The following CD300A variants were observed in gnomAD, a reference collection of about 807,000 sequenced individuals.
The protein encoded by CD300A is CD300a molecule, also known as CMRF35-like molecule 8.
Under a neutral mutation model 33.6 loss-of-function variants are expected in CD300A, and 22 were observed. That is an observed-to-expected ratio of 0.66 (90% CI 0.47 to 0.94). The LOEUF is 0.94. Among genes scored for constraint, CD300A ranks in the 40% least tolerant of loss-of-function variants. The pLI is 0.00. For synonymous variants in CD300A, 136 were observed against 148.1 expected (o/e 0.92, Z 0.59); for missense variants, 326 against 360.5 (o/e 0.90, Z 0.77).
chr17:74,479,170 C>T lies in CD300A; in HGVS notation c.628+1640C>T, dbSNP rs546657618. Among the ~76,000 whole-genome samples, 106 of 152,282 alleles carry T rather than the reference C, an allele frequency of 7.0e-4. 6 individuals are homozygous for T. The South Asian group carries it at 0.021, about 30-fold the overall frequency. ...ACCCCACCACCTAGAGAAAACCAGC[C>T]ACTGGCCCCTGAGGTATATCCTTCC... On this transcript the variant is annotated intron_variant, in intron 4 of 6. Coordinates refer to ENST00000360141, the MANE Select transcript of CD300A (RefSeq NM_007261.4).
chr17:74,482,713 T>C (rs201708505), intron 6 of CD300A, among the ~76,000 whole-genome samples: 20,509 of 115,028 alleles, frequency 0.18, 2,406 homozygotes, highest in African/African-American at 0.39. Flanking sequence ...TTTCTTTCTT[T>C]CTTTCTTTCT....
intron 3 of CD300A, among the ~76,000 whole-genome samples, chr17:74,477,045 T>A (rs78707490): frequency 2.9e-4 from 44 of 152,294 alleles, no homozygotes; most frequent in African/African-American, 9.1e-4. Context: ...CTATTTTTTT[T>A]AATTGACCTT....
intron 5 of CD300A, 39 bp from the exon 6 acceptor site, chr17:74,481,687 G>C (rs1458446743): frequency 1.4e-6 from 2 of 1,439,144 alleles, no homozygotes; most frequent in South Asian, 2.4e-5. Flanking sequence ...AGGCTGCAGG[G>C]CTCCGTGGAC....
intron 6 of CD300A, among the ~76,000 whole-genome samples, chr17:74,482,826 T>C (rs886675054): frequency 6.6e-6 from 1 of 150,814 alleles, no homozygotes; most frequent in African/African-American, 2.5e-5. Context: ...TTCTCCTGCC[T>C]CAGCCTCCAG....
At chr17:74,478,661 A>G (rs1440127351) in intron 4 of CD300A, among the ~76,000 whole-genome samples, 1 of 152,198 alleles carries the variant, frequency 6.6e-6, no homozygotes, top group Non-Finnish European at 1.5e-5. Context: ...CCACAGGCAG[A>G]AGATTCTCAG....
At chr17:74,474,424 C>T (rs1598451546) in intron 2 of CD300A, 108 bp from the exon 3 acceptor site, 7 of 1,135,450 alleles carry the variant, frequency 6.2e-6, no homozygotes, top group Admixed American at 1.8e-5. Flanking sequence ...TGCATCCTGC[C>T]CCCTTCCTTA....
intron 1 of CD300A, 104 bp from the exon 2 acceptor site, chr17:74,473,432 C>T (rs981289400): frequency 1.6e-5 from 17 of 1,077,768 alleles, no homozygotes; most frequent in East Asian, 4.8e-5. Context: ...CTCTGCCTGC[C>T]GCTGCCTCCT....
rs141074820 is a variant in CD300A at position 74,481,096 on chromosome 17, G to A, written c.629-193G>A. ...CCATTTATTCACTCATCCTGTGCTCGTTCATTCATTTACTAAGTCACTAAT... is the reference window on the plus strand; with the variant it reads ...CCATTTATTCACTCATCCTGTGCTCATTCATTCATTTACTAAGTCACTAAT... On this transcript the variant is annotated intron_variant, in intron 4 of 6. Transcript: ENST00000360141. 2.7e-3 allele frequency among the ~76,000 whole-genome samples: 404 copies of A among 152,194 alleles called. 1 individual carries two copies. Among genetic ancestry groups the A allele is most frequent in the African/African-American group, 9.0e-3 (373 of 41,538 alleles).
At chr17:74,469,220 G>A (rs563904515) in intron 1 of CD300A, among the ~76,000 whole-genome samples, 1 of 150,792 alleles carries the variant, frequency 6.6e-6, no homozygotes, top group East Asian at 1.9e-4. Context: ...CATCATTTTT[G>A]GTCTACATTA....
Position 74,467,018 on chromosome 17 carries a change from A to G in CD300A, c.40+275A>G, listed in dbSNP as rs1334530111. 13 of 1,341,744 alleles carry G rather than the reference A, an allele frequency of 9.7e-6. No homozygotes were observed. The Admixed American group carries it at 9.8e-5, about 10-fold the overall frequency. The allele number at this position is 1,341,744 out of a possible 1,614,324, so 83.1% of individuals were successfully genotyped here. ...GGTGGGTGCAGAAAAGGGACCTTTT[A>G]GGTTTTCAGTTGAATTCTTACAGGA... is the stretch of plus-strand genomic sequence containing the variant. On this transcript the variant is annotated intron_variant, in intron 1 of 6. Transcript: ENST00000360141.
At position 74,475,763 on chromosome 17, in the gene CD300A, C is replaced by A. The variant is rs1282987177; in HGVS notation, c.533+1078C>A. Among the ~76,000 whole-genome samples the A allele has an allele frequency of 2.0e-5, 3 of 152,166 alleles. No individual in the cohort carries two copies. In the South Asian group the frequency reaches 6.2e-4, roughly 32 times the overall value. On this transcript the variant is annotated intron_variant, in intron 3 of 6. Transcript: ENST00000360141. ...CGCCCTGATTTAGATGCCAGTCGAA[C>A]TTTGGGGATCCCCAGGCCACCACAC...
chr17:74,470,022 A>G, intron 1 of CD300A: 1 of 985,322 alleles, frequency 1.0e-6, no homozygotes, highest in Non-Finnish European at 1.2e-6. Context: ...TGAGTTGGAC[A>G]ATTCAGTCAT....
At chr17:74,478,025 C>T (rs1473739892) in intron 4 of CD300A, among the ~76,000 whole-genome samples, 1 of 152,194 alleles carries the variant, frequency 6.6e-6, no homozygotes. Context: ...CGATCTGGCT[C>T]TACCCACCTC....
intron 6 of CD300A, 151 bp from the exon 7 acceptor site, chr17:74,483,850 G>T (rs1161065010): frequency 2.6e-6 from 2 of 771,642 alleles, no homozygotes; most frequent in Non-Finnish European, 4.1e-6. Context: ...GGGTGGACAG[G>T]ATCATAGAGA....
intron 1 of CD300A, among the ~76,000 whole-genome samples, chr17:74,469,192 G>T (rs950162597): frequency 1.3e-5 from 2 of 151,702 alleles, no homozygotes; most frequent in East Asian, 1.9e-4. Context: ...GGAAGGGAAA[G>T]AATTTCTTAA....
chr17:74,474,568 C>A lies in CD300A; in HGVS notation c.416C>A (p.Ala139Asp). The A allele has an allele frequency of 6.2e-7, 1 of 1,614,190 alleles. No homozygotes were observed. Among genetic ancestry groups the A allele is most frequent in the African/African-American group, 1.3e-5 (1 of 75,064 alleles). Residue 139 changes from alanine to aspartate, a missense_variant, in exon 3 of 7, where the codon GCC becomes GAC. Transcript: ENST00000360141. ...ATGACACCTGCAAGTATCACTGCGG[C>A]CAAGACCTCAACAATCACAACTGCA... is the stretch of plus-strand genomic sequence containing the variant. Reference protein sequence around the residue: ...TSMTPASITAAKTSTITTAFP... With the variant: ...TSMTPASITADKTSTITTAFP...
intron 1 of CD300A, chr17:74,469,879 A>T: frequency 1.3e-6 from 1 of 777,082 alleles, no homozygotes; most frequent in Non-Finnish European, 1.6e-6. Flanking sequence ...AAATCCATTT[A>T]TTAATGTATA....
At chr17:74,481,194 C>T in intron 4 of CD300A, 95 bp from the exon 5 acceptor site, 1 of 1,200,420 alleles carries the variant, frequency 8.3e-7, no homozygotes, top group South Asian at 1.3e-5. Flanking sequence ...GGGCTGAGGT[C>T]TCTAGGGAAA....
intron 3 of CD300A, among the ~76,000 whole-genome samples, chr17:74,475,445 A>G (rs1906398785): frequency 1.3e-5 from 2 of 152,196 alleles, no homozygotes; most frequent in Non-Finnish European, 2.9e-5. Context: ...TCAAGTAGCT[A>G]CAAGAGGCTA....
Sources: gnomAD v4.1 joint callset for allele counts (sites outside exome capture counted in the v4.1 genomes callset) on GRCh38, gnomAD v4.1.1 for gene constraint, MANE v1.5 for transcripts, NCBI Gene and HGNC (gene_info 2026-07-23, HGNC 2026-07-21) for gene names.